The following RYR2 variants were observed in gnomAD, a reference collection of about 807,000 sequenced individuals.
RYR2 encodes the protein cardiac muscle ryanodine receptor-calcium release channel.
Under a neutral mutation model 601.1 loss-of-function variants are expected in RYR2, and 227 were observed. The observed-to-expected ratio is 0.38, with a 90% CI of 0.34 to 0.42. The LOEUF (loss-of-function observed/expected upper bound fraction) is 0.42, where lower values mean the gene tolerates loss of function less well. Ranked by LOEUF, RYR2 falls within the 10% of genes least tolerant of loss-of-function variation. RYR2 has a pLI of 1.00. For synonymous variants in RYR2, 2,223 were observed against 2,175.1 expected (o/e 1.02, Z -0.61); for missense variants, 4,646 against 6,156.5 (o/e 0.75, Z 8.21).
chr1:237,363,457 G>T (rs1699948096), intron 4 of RYR2, among the ~76,000 whole-genome samples: 1 of 151,968 alleles, frequency 6.6e-6, no homozygotes, highest in African/African-American at 2.4e-5. Context: ...GGGAAAAATT[G>T]TAATATTTAC....
At chr1:237,804,453 A>G (rs188840700) in intron 98 of RYR2, among the ~76,000 whole-genome samples, 1 of 151,972 alleles carries the variant, frequency 6.6e-6, no homozygotes, top group East Asian at 1.9e-4. Flanking sequence ...CTTACAGTCA[A>G]AATGAAGGTG....
intron 1 of RYR2, among the ~76,000 whole-genome samples, chr1:237,112,233 C>G (rs1288443183): frequency 6.6e-6 from 1 of 152,178 alleles, no homozygotes; most frequent in Non-Finnish European, 1.5e-5. Flanking sequence ...CCTGCCTCAG[C>G]CTCCTGAGTA....
At chr1:237,513,629 A>C (rs1458357098) in intron 24 of RYR2, among the ~76,000 whole-genome samples, 3 of 152,196 alleles carry the variant, frequency 2.0e-5, no homozygotes, top group Non-Finnish European at 2.9e-5. Flanking sequence ...TCCTAGTGCA[A>C]CGCACTACCT....
intron 8 of RYR2, among the ~76,000 whole-genome samples, chr1:237,383,819 C>G (rs1701763644): frequency 6.6e-6 from 1 of 152,136 alleles, no homozygotes; most frequent in Non-Finnish European, 1.5e-5. Context: ...CAAAGTGAGA[C>G]CCGGGTGCCC....
chr1:237,641,296 A>C (rs1181114012), intron 47 of RYR2, among the ~76,000 whole-genome samples: 2 of 152,182 alleles, frequency 1.3e-5, no homozygotes, highest in African/African-American at 4.8e-5. Context: ...TATTTTCTCT[A>C]TGCAATTTCC....
chr1:237,248,267 ACCCCCCGCAACCCCGCCCCCCCCCC>A (rs1687075358), intron 1 of RYR2, among the ~76,000 whole-genome samples: 1 of 57,354 alleles, frequency 1.7e-5, no homozygotes, highest in Non-Finnish European at 3.2e-5. Context: ...GCAAGACTCC[ACCCCCCGCAACCCCGCCCCCCCCCC>A]CCCCCCCAAA....
rs1452674040 is a variant in RYR2, at chr1:237,175,637, C to T, written c.49-94860C>T. Among the ~76,000 whole-genome samples the T allele has an allele frequency of 2.6e-5, 4 of 152,092 alleles. No homozygotes were observed. In the East Asian group the frequency reaches 7.7e-4, roughly 29 times the overall value. ...GGATCTACAGCATCATCCTTAATGC[C>T]TGTGTCATACCTTGTATATCATTTT... is the stretch of plus-strand genomic sequence containing the variant. On this transcript the variant is annotated intron_variant, in intron 1 of 104. Coordinates refer to ENST00000366574, the MANE Select transcript of RYR2 (RefSeq NM_001035.3).
Position 237,625,791 on chromosome 1 carries a change from C to G in RYR2, c.6153C>G (p.Asp2051Glu), listed in dbSNP as rs745465357. The G allele has an allele frequency of 1.2e-6, 2 of 1,613,418 alleles. No homozygotes were observed. Among genetic ancestry groups the G allele is most frequent in the South Asian group, 2.2e-5 (2 of 91,030 alleles). ...AAGCAGAAAAACCAGTTGAGAGTGACTCCAAAAAGTCCTGTAAGCAGTATG... is the reference window on the plus strand; with the variant it reads ...AAGCAGAAAAACCAGTTGAGAGTGAGTCCAAAAAGTCCTGTAAGCAGTATG... ...KKQAEKPVESDSKKSSTLQQL... is the reference protein window; with the variant it reads ...KKQAEKPVESESKKSSTLQQL... Residue 2051 changes from aspartate (D) to glutamate (E), a missense_variant, in exon 40 of 105, where the codon GAC (aspartate) becomes GAG (glutamate). By Grantham distance (45) the Asp-to-Glu change is conservative. Coordinates refer to ENST00000366574, the MANE Select transcript of RYR2 (RefSeq NM_001035.3).
chr1:237,273,957 G>T (rs1017410912), intron 2 of RYR2, among the ~76,000 whole-genome samples: 1 of 143,026 alleles, frequency 7.0e-6, no homozygotes. Flanking sequence ...ATTATATAAC[G>T]CATATATTAA....
In RYR2 at chr1:237,649,988, G is replaced by T. The variant is rs373602064; in HGVS notation, c.7624G>T (p.Ala2542Ser). The T allele has an allele frequency of 5.6e-6, 9 of 1,613,850 alleles. No individual in the cohort carries two copies. The African/African-American group carries it at 1.1e-4, about 19-fold the overall frequency. ...APLFAGTEHH[A>S]SLIDSLLHTV... Reference sequence around the variant, plus strand: ...TCTCTTTGCTGGCACAGAGCACCACGCTTCTCTCATTGACTCATTACTTCA... The same window carrying T: ...TCTCTTTGCTGGCACAGAGCACCACTCTTCTCTCATTGACTCATTACTTCA... The change falls in exon 50 of 105, where the codon GCT (alanine) becomes TCT (serine). Residue 2542 changes from alanine (A) to serine (S), a missense_variant. By Grantham distance (99) the Ala-to-Ser change is moderately conservative. Transcript: ENST00000366574.
intron 72 of RYR2, among the ~76,000 whole-genome samples, chr1:237,717,886 G>T (rs753488455): frequency 5.9e-5 from 9 of 152,116 alleles, no homozygotes; most frequent in Non-Finnish European, 1.0e-4. Context: ...GCAATATTTT[G>T]TACATTGGAA....
At chr1:237,409,416 T>C (rs529207749) in intron 10 of RYR2, among the ~76,000 whole-genome samples, 15 of 152,270 alleles carry the variant, frequency 9.9e-5, no homozygotes, top group African/African-American at 3.6e-4. Context: ...ATTGATATGA[T>C]CAATGATTTT....
chr1:237,697,797 A>G (rs1463409654), intron 63 of RYR2, among the ~76,000 whole-genome samples: 1 of 152,064 alleles, frequency 6.6e-6, no homozygotes, highest in Non-Finnish European at 1.5e-5. Flanking sequence ...AATGGACAGG[A>G]AAATAAAAAA....
intron 1 of RYR2, among the ~76,000 whole-genome samples, chr1:237,101,323 A>AC (rs1668083323): frequency 6.6e-6 from 1 of 151,260 alleles, no homozygotes; most frequent in African/African-American, 2.4e-5. Flanking sequence ...AAAAAAAAAA[A>AC]ACCTCACAAA....
At chr1:237,769,931 G>C (rs1269859460) in intron 84 of RYR2, among the ~76,000 whole-genome samples, 6 of 151,586 alleles carry the variant, frequency 4.0e-5, no homozygotes, top group Non-Finnish European at 5.9e-5. Context: ...TTCTTTCCTT[G>C]TGTTTTTGCT....
chr1:237,496,594 C>G lies in RYR2; in HGVS notation c.2045C>G (p.Thr682Arg), dbSNP rs377285489. The G allele has an allele frequency of 3.8e-5, 61 of 1,613,850 alleles. 1 individual carries two copies. Among genetic ancestry groups the G allele is most frequent in the Non-Finnish European group, 4.2e-6 (5 of 1,179,900 alleles). Residue 682 changes from threonine (T) to arginine (R), a missense_variant, in exon 20 of 105, where the codon ACA becomes AGA. Thr to Arg is a moderately conservative substitution (Grantham distance 71). Transcript: ENST00000366574. ...KWYYELMVDHTEPFVTAEATH... is the reference protein window; with the variant it reads ...KWYYELMVDHREPFVTAEATH... ...TACTATGAATTGATGGTGGACCACACAGAGCCCTTTGTGACAGCTGAAGCA... is the reference window on the plus strand; with the variant it reads ...TACTATGAATTGATGGTGGACCACAGAGAGCCCTTTGTGACAGCTGAAGCA...
intron 91 of RYR2, 88 bp from the exon 92 acceptor site, chr1:237,787,900 A>ATATT: frequency 7.9e-7 from 1 of 1,260,608 alleles, no homozygotes; most frequent in Admixed American, 2.4e-5. Context: ...ATGGCCTAAA[A>ATATT]TATTTGTTCA....
intron 24 of RYR2, 31 bp from the exon 25 acceptor site, chr1:237,530,396 G>A (rs762320259): frequency 2.6e-6 from 4 of 1,517,044 alleles, no homozygotes; most frequent in Non-Finnish European, 3.6e-6. Context: ...GAGAAGAAAT[G>A]ATCACACTTA....
Position 237,682,195 on chromosome 1 carries a change from C to T in RYR2, c.9017+1618C>T, listed in dbSNP as rs185617833. Reference sequence around the variant, plus strand: ...ATATGATCTGTATTTGTTAATTATACCTCTATAAAGCTGGAAAAATTTCAT... The same window carrying T: ...ATATGATCTGTATTTGTTAATTATATCTCTATAAAGCTGGAAAAATTTCAT... On this transcript the variant is annotated intron_variant, in intron 62 of 104. Coordinates refer to ENST00000366574, the MANE Select transcript of RYR2 (RefSeq NM_001035.3). 3.0e-4 allele frequency among the ~76,000 whole-genome samples: 46 copies of T among 152,024 alleles called. 1 individual carries two copies. Among genetic ancestry groups the T allele is most frequent in the Admixed American group, 2.6e-3 (40 of 15,268 alleles).
Sources: allele counts gnomAD v4.1 joint callset (sites outside exome capture counted in the v4.1 genomes callset), GRCh38; gene constraint gnomAD v4.1.1; transcripts MANE v1.5; gene names NCBI Gene and HGNC (gene_info 2026-07-23, HGNC 2026-07-21).